The following POFUT3 variants were observed in gnomAD, a reference collection of about 807,000 sequenced individuals.
POFUT3 encodes the protein protein O-fucosyltransferase 3, also known as GDP-fucose protein O-fucosyltransferase 3.
At chr8:33,314,850 C>T in the POFUT3 span, among the ~76,000 whole-genome samples, 11 of 152,050 alleles carry the variant, frequency 7.2e-5, no homozygotes, top group African/African-American at 7.2e-5. Flanking sequence ...GTAATAACAC[C>T]GCCTTTACAG....
At chr8:33,323,315 G>A in the POFUT3 span, among the ~76,000 whole-genome samples, 77 of 152,218 alleles carry the variant, frequency 5.1e-4, no homozygotes, top group East Asian at 0.01. Context: ...CCTTATTTTC[G>A]ACCAAAGTTC....
At chr8:33,357,243 A>C in the POFUT3 span, among the ~76,000 whole-genome samples, 1 of 152,106 alleles carries the variant, frequency 6.6e-6, no homozygotes, top group African/African-American at 2.4e-5. Context: ...ATGGCACTGA[A>C]TCTATAAATT....
At chr8:33,313,482 C>A in the POFUT3 span, among the ~76,000 whole-genome samples, 1 of 152,070 alleles carries the variant, frequency 6.6e-6, no homozygotes, top group Non-Finnish European at 1.5e-5. Context: ...ATTCTCGTGG[C>A]TCTGCTTGAG....
chr8:33,423,407 T>C, the POFUT3 span, among the ~76,000 whole-genome samples: 2 of 152,034 alleles, frequency 1.3e-5, no homozygotes, highest in Non-Finnish European at 2.9e-5. Flanking sequence ...TAGATAGGAC[T>C]ACAGGTTCAT....
chr8:33,447,638 C>G, the POFUT3 span, among the ~76,000 whole-genome samples: 1 of 151,364 alleles, frequency 6.6e-6, no homozygotes, highest in Admixed American at 6.6e-5. Flanking sequence ...CCTCCAGAAA[C>G]GTGTTTATAT....
chr8:33,402,616 G>A, the POFUT3 span, among the ~76,000 whole-genome samples: 3 of 152,038 alleles, frequency 2.0e-5, no homozygotes, highest in Non-Finnish European at 2.9e-5. Flanking sequence ...TAAGAATCCC[G>A]AGTAATACAA....
chr8:33,388,931 G>C, the POFUT3 span: 1 of 1,561,800 alleles, frequency 6.4e-7, no homozygotes, highest in East Asian at 2.2e-5. Context: ...TGGCCAGCCT[G>C]CTGGCTCTAT....
chr8:33,463,454 G>A, the POFUT3 span, among the ~76,000 whole-genome samples: 1 of 151,774 alleles, frequency 6.6e-6, no homozygotes. Flanking sequence ...GCAGTGAGCC[G>A]AGATTGTGCC....
the POFUT3 span, among the ~76,000 whole-genome samples, chr8:33,323,497 C>T: frequency 2.0e-5 from 3 of 152,192 alleles, no homozygotes; most frequent in Admixed American, 1.3e-4. Flanking sequence ...TTGACCTTCA[C>T]TTTGTGCTGT....
the POFUT3 span, among the ~76,000 whole-genome samples, chr8:33,359,800 G>A: frequency 6.6e-6 from 1 of 151,962 alleles, no homozygotes; most frequent in African/African-American, 2.4e-5. Context: ...GAGGTCAGGA[G>A]TTTGAGACCA....
the POFUT3 span, among the ~76,000 whole-genome samples, chr8:33,412,359 G>A: frequency 0.3 from 46,084 of 152,084 alleles, 7,102 homozygotes; most frequent in South Asian, 0.44. Context: ...AATACAGCTA[G>A]AATTGGAACT....
At chr8:33,462,275 C>T in the POFUT3 span, among the ~76,000 whole-genome samples, 1 of 148,148 alleles carries the variant, frequency 6.8e-6, no homozygotes, top group Middle Eastern at 3.3e-3. Flanking sequence ...ACTTAATGCT[C>T]TCTGCCATCA....
chr8:33,446,550 G>T, the POFUT3 span, among the ~76,000 whole-genome samples: 2 of 151,734 alleles, frequency 1.3e-5, no homozygotes, highest in South Asian at 4.2e-4. Context: ...CTGCTCCTTT[G>T]TTAGGGACAA....
At chr8:33,445,911 C>T in the POFUT3 span, among the ~76,000 whole-genome samples, 1 of 152,272 alleles carries the variant, frequency 6.6e-6, no homozygotes, top group East Asian at 1.9e-4. Context: ...AAAAAGTTCA[C>T]TTGCATCACC....
At chr8:33,453,582 A>G in the POFUT3 span, 24 of 1,272,474 alleles carry the variant, frequency 1.9e-5, no homozygotes, top group Non-Finnish European at 2.6e-5. Context: ...ATTAATCTTG[A>G]TGATTTAGCC....
chr8:33,441,458 G>A, the POFUT3 span, among the ~76,000 whole-genome samples: 1 of 133,308 alleles, frequency 7.5e-6, no homozygotes, highest in Non-Finnish European at 1.5e-5. Context: ...TTGGCTCACT[G>A]TAACCTCTGC....
chr8:33,464,416 G>A, the POFUT3 span, among the ~76,000 whole-genome samples: 2 of 152,118 alleles, frequency 1.3e-5, no homozygotes, highest in Non-Finnish European at 2.9e-5. Flanking sequence ...TAAGAAAACC[G>A]AATCTGAATG....
the POFUT3 span, chr8:33,372,145 C>T: frequency 2.8e-5 from 28 of 988,558 alleles, no homozygotes; most frequent in Non-Finnish European, 3.2e-5. Flanking sequence ...TCTCTCATTG[C>T]CAAGTTCTAA....
the POFUT3 span, among the ~76,000 whole-genome samples, chr8:33,329,868 A>G: frequency 6.6e-6 from 1 of 152,206 alleles, no homozygotes; most frequent in Non-Finnish European, 1.5e-5. Context: ...AACCTAATGG[A>G]TAATAAAACA....
Sources: allele counts gnomAD v4.1 joint callset (sites outside exome capture counted in the v4.1 genomes callset), GRCh38; gene constraint gnomAD v4.1.1; transcripts MANE v1.5; gene names NCBI Gene and HGNC (gene_info 2026-07-23, HGNC 2026-07-21).